Variants in SP1 observed in about 807,000 individuals in gnomAD.
SP1 encodes Sp1 transcription factor, also known as transcription factor Sp1.
SP1 carries 6 observed loss-of-function variants against 66.3 expected under a neutral mutation model. The ratio of observed to expected loss-of-function variants is 0.09; its 90% CI spans 0.05 to 0.18. SP1 has a LOEUF of 0.18. Ranked by LOEUF, SP1 falls within the 10% of genes least tolerant of loss-of-function variation. SP1 has a pLI of 1.00. For synonymous variants in SP1, 417 were observed against 360.8 expected (o/e 1.16, Z -1.77); for missense variants, 848 against 964.5 (o/e 0.88, Z 1.60).
Position 53,410,574 on chromosome 12 carries a change from G to T in SP1, c.2045-353G>T, listed in dbSNP as rs540822613. On this transcript the variant is annotated intron_variant, in intron 5 of 5. Transcript: ENST00000327443. ...GGCTGGAGTGCAGTGGCGCGATCTC[G>T]GCTCACTGCAAGCTCCGCCTCCCGG... Among the ~76,000 whole-genome samples, 13 of 151,538 alleles carry T rather than the reference G, an allele frequency of 8.6e-5. No homozygotes were observed. In the East Asian group the frequency reaches 2.4e-3, roughly 28 times the overall value.
At position 53,414,292 on chromosome 12, in the gene SP1, G is replaced by A. The variant is rs975975163; in HGVS notation, c.*3052G>A. The A allele has an allele frequency of 3.3e-5, 5 of 152,490 alleles. No homozygotes were observed. Among genetic ancestry groups the A allele is most frequent in the African/African-American group, 1.2e-4 (5 of 41,376 alleles). 9.4% of individuals were successfully genotyped at this position (152,490 alleles called of 1,614,324 possible). A position where few individuals can be genotyped will look rare whatever the true frequency, so the allele number is the denominator to read the frequency against. On this transcript the variant is annotated 3_prime_UTR_variant, in exon 6 of 6. Transcript: ENST00000327443. ...AACACTTATTCCCTCATCCTTTCAG[G>A]TTTTCAGGTTGCCCATTTATATTCA... is the stretch of plus-strand genomic sequence containing the variant.
intron 2 of SP1, 38 bp downstream of exon 2, chr12:53,381,851 G>A: frequency 6.3e-7 from 1 of 1,581,664 alleles, no homozygotes; most frequent in Non-Finnish European, 8.6e-7. Context: ...GTGTTGAGAA[G>A]ATGTAAATAT....
chr12:53,388,976 T>C (rs1371020698), intron 3 of SP1, among the ~76,000 whole-genome samples: 1 of 107,114 alleles, frequency 9.3e-6, no homozygotes, highest in Non-Finnish European at 2.0e-5. Context: ...TGAGTCCCTG[T>C]CAAAAAAAAA....
chr12:53,386,310 A>G, intron 3 of SP1, among the ~76,000 whole-genome samples: 1 of 152,028 alleles, frequency 6.6e-6, no homozygotes, highest in East Asian at 1.9e-4. Flanking sequence ...TGGGGGATGT[A>G]GGATTGAGAA....
At chr12:53,410,597 C>T (rs1191432332) in intron 5 of SP1, among the ~76,000 whole-genome samples, 10 of 151,848 alleles carry the variant, frequency 6.6e-5, no homozygotes, top group African/African-American at 1.7e-4. Flanking sequence ...CTCCGCCTCC[C>T]GGGTCCACGC....
rs1452475760 is a variant in SP1 at position 53,381,742 on chromosome 12, G to A, written c.91G>A (p.Gly31Ser). ...VGGNNGGNGN[G>S]GGAFSQARSS... Reference sequence around the variant, plus strand: ...TGGCAATAATGGGGGCAATGGTAATGGTGGTGGTGCCTTTTCACAGGCTCG... The same window carrying A: ...TGGCAATAATGGGGGCAATGGTAATAGTGGTGGTGCCTTTTCACAGGCTCG... Residue 31 changes from glycine (G) to serine (S), a missense_variant, in exon 2 of 6, where the codon GGT (glycine) becomes AGT (serine). Transcript: ENST00000327443. 2 of 1,614,046 alleles carry A rather than the reference G, an allele frequency of 1.2e-6. No homozygotes were observed. The highest frequency in any genetic ancestry group is 3.3e-5 in the Admixed American group (2 of 59,986).
chr12:53,387,827 T>C (rs1234955808), intron 3 of SP1, among the ~76,000 whole-genome samples: 1 of 151,876 alleles, frequency 6.6e-6, no homozygotes, highest in Non-Finnish European at 1.5e-5. Flanking sequence ...CTACTAAAAA[T>C]ACAAAAAAAT....
At chr12:53,395,232 C>T (rs1938459499) in intron 3 of SP1, among the ~76,000 whole-genome samples, 1 of 152,014 alleles carries the variant, frequency 6.6e-6, no homozygotes, top group Non-Finnish European at 1.5e-5. Flanking sequence ...CCCAGCTACT[C>T]CCAAGGCTGA....
chr12:53,386,956 T>TC (rs1938244584), intron 3 of SP1, among the ~76,000 whole-genome samples: 1 of 148,280 alleles, frequency 6.7e-6, no homozygotes, highest in African/African-American at 2.5e-5. Flanking sequence ...TTTTTTTTTT[T>TC]CGTTTTCTTT....
At chr12:53,403,925 A>G (rs942428798) in intron 3 of SP1, among the ~76,000 whole-genome samples, 1 of 151,746 alleles carries the variant, frequency 6.6e-6, no homozygotes, top group African/African-American at 2.4e-5. Context: ...TAATCCCAGC[A>G]CTTTGGGAGG....
intron 3 of SP1, among the ~76,000 whole-genome samples, chr12:53,388,956 G>A (rs954598931): frequency 6.6e-6 from 1 of 151,484 alleles, no homozygotes; most frequent in African/African-American, 2.4e-5. Flanking sequence ...CTCCAGCCTG[G>A]GCAGTAGGGT....
chr12:53,407,119 C>T (rs918087998), intron 4 of SP1, among the ~76,000 whole-genome samples: 5 of 151,006 alleles, frequency 3.3e-5, no homozygotes, highest in African/African-American at 9.7e-5. Context: ...CCACCATGCC[C>T]GGCAAAGGTT....
intron 3 of SP1, among the ~76,000 whole-genome samples, chr12:53,391,344 G>A (rs369935137): frequency 1.9e-5 from 2 of 106,456 alleles, no homozygotes; most frequent in Admixed American, 1.0e-4. Context: ...TTTAAGTAAT[G>A]TCTTTTTTTT....
At chr12:53,395,747 C>G (rs1356757976) in intron 3 of SP1, among the ~76,000 whole-genome samples, 1 of 150,628 alleles carries the variant, frequency 6.6e-6, no homozygotes, top group East Asian at 1.9e-4. Flanking sequence ...GCGGGCAGAT[C>G]AGGAGGTCAG....
chr12:53,406,828 A>ATTT, intron 4 of SP1, 75 bp downstream of exon 4: 27 of 1,078,182 alleles, frequency 2.5e-5, no homozygotes, highest in East Asian at 3.0e-5. Context: ...AAGAAGATTA[A>ATTT]TTTTTTTTTT....
At chr12:53,395,564 A>G (rs1452752831) in intron 3 of SP1, among the ~76,000 whole-genome samples, 1 of 152,200 alleles carries the variant, frequency 6.6e-6, no homozygotes, top group Non-Finnish European at 1.5e-5. Flanking sequence ...GTATAAAAGT[A>G]AAAATGAGTT....
chr12:53,406,460 C>A, intron 3 of SP1, 125 bp from the exon 4 acceptor site: 1 of 772,322 alleles, frequency 1.3e-6, no homozygotes, highest in Non-Finnish European at 2.1e-6. Flanking sequence ...GGCTTCAAAA[C>A]TTGTGATACT....
In SP1 at chr12:53,383,592, G is replaced by A. The variant is rs1938159701; in HGVS notation, c.1645G>A (p.Gly549Ser). The A allele has an allele frequency of 6.2e-7, 1 of 1,611,436 alleles. No homozygotes were observed. Among genetic ancestry groups the A allele is most frequent in the Non-Finnish European group, 8.5e-7 (1 of 1,178,786 alleles). The change falls in exon 3 of 6, where the codon GGC becomes AGC. Residue 549 changes from glycine to serine, a missense_variant. Around this residue, in one of 7 missense-constraint regions of SP1, gnomAD observed 606 missense variants for 589.9 expected, o/e 1.03. Transcript: ENST00000327443. ...AGGAATCCAGGTGCACCCAATTCAA[G>A]GCCTGCCGTTGGCTATAGCAAATGC... is the stretch of plus-strand genomic sequence containing the variant. ...TSGIQVHPIQGLPLAIANAPG... is the reference protein window; with the variant it reads ...TSGIQVHPIQSLPLAIANAPG...
Position 53,384,190 on chromosome 12 carries a change from C to T in SP1, c.1675+568C>T, listed in dbSNP as rs569261268. Among the ~76,000 whole-genome samples the T allele has an allele frequency of 3.9e-5, 6 of 152,052 alleles. No individual in the cohort carries two copies. In the East Asian group the frequency reaches 1.2e-3, roughly 29 times the overall value. On this transcript the variant is annotated intron_variant, in intron 3 of 5. Coordinates refer to ENST00000327443, the MANE Select transcript of SP1 (RefSeq NM_138473.3). ...TTCACCATGTGAGCTAGGATGGTCT[C>T]GATCTCCTGACCTCGTGATCCGCCC...
Sources: gnomAD v4.1 joint callset for allele counts (sites outside exome capture counted in the v4.1 genomes callset) on GRCh38, gnomAD v4.1.1 for gene constraint, gnomAD v4.1.1 regional missense constraint, MANE v1.5 for transcripts, NCBI Gene and HGNC (gene_info 2026-07-23, HGNC 2026-07-21) for gene names.